The following GOLGA8H variants were observed in gnomAD, a reference collection of about 807,000 sequenced individuals.
GOLGA8H encodes the protein golgin A8 family member H, also known as golgin subfamily A member 8H.
A neutral mutation model predicts 82.7 loss-of-function variants in GOLGA8H; 47 were observed. The ratio of observed to expected loss-of-function variants is 0.57; its 90% CI spans 0.45 to 0.73. The LOEUF (loss-of-function observed/expected upper bound fraction) is 0.73, where lower values mean the gene tolerates loss of function less well. Ranked by LOEUF, GOLGA8H falls within the 30% of genes least tolerant of loss-of-function variation. The pLI, the probability that GOLGA8H is intolerant of heterozygous loss-of-function variation, is 0.00. For missense variants in GOLGA8H, 372 were observed against 661.0 expected (o/e 0.56, Z 4.79); for synonymous variants, 108 against 241.6 (o/e 0.45, Z 5.13).
Position 30,610,071 on chromosome 15 carries a change from C to G in GOLGA8H, c.751C>G (p.Arg251Gly). 1 of 1,611,210 alleles carries G rather than the reference C, an allele frequency of 6.2e-7. No homozygotes were observed. The highest frequency in any genetic ancestry group is 8.5e-7 in the Non-Finnish European group (1 of 1,179,728). ...TGAACATCTAAAAGGAGAGAGGGCCCGGTGGCAGCAGAGGATGAGAAAAAT... is the reference window on the plus strand; with the variant it reads ...TGAACATCTAAAAGGAGAGAGGGCCGGGTGGCAGCAGAGGATGAGAAAAAT... Reference protein sequence around the residue: ...CAEHLKGERARWQQRMRKMSQ... With the variant: ...CAEHLKGERAGWQQRMRKMSQ... Residue 251 changes from arginine (R) to glycine (G), a missense_variant, in exon 10 of 19, where the codon CGG (arginine) becomes GGG (glycine). By Grantham distance (125) the Arg-to-Gly change is moderately radical. Coordinates refer to ENST00000566740, the MANE Select transcript of GOLGA8H (RefSeq NM_001282490.2).
intron 8 of GOLGA8H, 75 bp from the exon 9 acceptor site, chr15:30,609,731 C>G (rs2059985900): frequency 3.8e-6 from 6 of 1,587,510 alleles, no homozygotes; most frequent in Admixed American, 1.7e-5. Context: ...GGGCCTAGCC[C>G]TAGTCCTTTT....
In GOLGA8H at chr15:30,617,303, AG is replaced by A. The variant is rs1403266095; in HGVS notation, c.*2743del. On this transcript the variant is annotated 3_prime_UTR_variant, in exon 19 of 19. Coordinates refer to ENST00000566740, the MANE Select transcript of GOLGA8H (RefSeq NM_001282490.2). ...GGCAATATATAATAATCATTTTAAA[AG>A]TATTTGATTAAACCTGATAATTTTC... is the stretch of plus-strand genomic sequence containing the variant. 229 of 152,178 alleles carry A rather than the reference AG, an allele frequency of 1.5e-3. No homozygotes were observed. Among genetic ancestry groups the A allele is most frequent in the African/African-American group, 5.3e-3 (218 of 41,516 alleles). The allele number at this position is 152,178 out of a possible 1,614,324, so 9.4% of individuals were successfully genotyped here.
rs1463390321 is a variant in GOLGA8H, at chr15:30,617,332, GA to G, written c.*2774del. 6.6e-6 allele frequency: 1 copy of G among 150,876 alleles called. No individual in the cohort carries two copies. Among genetic ancestry groups the G allele is most frequent in the Admixed American group, 6.6e-5 (1 of 15,166 alleles). 9.3% of individuals were successfully genotyped at this position (150,876 alleles called of 1,614,324 possible). On this transcript the variant is annotated 3_prime_UTR_variant, in exon 19 of 19. Coordinates refer to ENST00000566740, the MANE Select transcript of GOLGA8H (RefSeq NM_001282490.2). ...TTTGATTAAACCTGATAATTTTCCAGAAATGAAAAAAAAAATCAGCTCTAAA... is the reference window on the plus strand; with the variant it reads ...TTTGATTAAACCTGATAATTTTCCAGAATGAAAAAAAAAATCAGCTCTAAA...
In GOLGA8H at chr15:30,608,496, A is replaced by T. The variant is rs187112641; in HGVS notation, c.426A>T (p.Lys142Asn). The T allele has an allele frequency of 1.2e-6, 2 of 1,611,156 alleles. No homozygotes were observed. The highest frequency in any genetic ancestry group is 2.2e-5 in the East Asian group (1 of 44,782). Residue 142 changes from lysine to asparagine, a missense_variant, in exon 7 of 19, where the codon AAA (lysine) becomes AAT (asparagine). Transcript: ENST00000566740. ...AAATCCAGACATTGAACATACAGAAAGGGAAACTAAATACGGACCTGTACC... is the reference window on the plus strand; with the variant it reads ...AAATCCAGACATTGAACATACAGAATGGGAAACTAAATACGGACCTGTACC... ...EVQIQTLNIQ[K>N]GKLNTDLYHM...
At chr15:30,608,921 G>T (rs1042512255) in intron 8 of GOLGA8H, among the ~76,000 whole-genome samples, 165 bp downstream of exon 8, 8 of 133,094 alleles carry the variant, frequency 6.0e-5, no homozygotes, top group African/African-American at 2.4e-4. Flanking sequence ...GGCTGAGTCA[G>T]CTGCTGTGGG....
rs773362208 is a variant in GOLGA8H, at chr15:30,608,745, A to G, written c.580A>G (p.Lys194Glu). 2.7e-5 allele frequency: 41 copies of G among 1,496,428 alleles called. 1 individual carries two copies. The highest frequency in any genetic ancestry group is 2.1e-4 in the South Asian group (18 of 84,324). 92.7% of individuals were successfully genotyped at this position (1,496,428 alleles called of 1,614,324 possible). The change falls in exon 8 of 19, where the codon AAG (lysine) becomes GAG (glutamate). Residue 194 changes from lysine (K) to glutamate (E), a missense_variant. Physicochemically the swap from Lys to Glu is moderately conservative, Grantham distance 56. Transcript: ENST00000566740. ...TAATGTCATGGCCACACAGAAGAAG[A>G]AGGCAAACCAGGTGAGTCCAACCAC... ...LSNVMATQKK[K>E]ANQLSSRSKA... is the part of the protein sequence containing the mutation.
At position 30,609,897 on chromosome 15, in the gene GOLGA8H, G is replaced by C. The variant is rs949925680; in HGVS notation, c.678+5G>C. ...CTGAAAGTGCAGCTGACACAGGTGA[G>C]GTTTTCTGAGGGAGTTATGTGGAAG... On this transcript the variant is annotated splice_donor_5th_base_variant and intron_variant, in intron 9 of 18. Coordinates refer to ENST00000566740, the MANE Select transcript of GOLGA8H (RefSeq NM_001282490.2). The C allele has an allele frequency of 6.3e-7, 1 of 1,580,706 alleles. No individual in the cohort carries two copies.
rs1484786959 is a variant in GOLGA8H at position 30,609,788 on chromosome 15, T to C, written c.592-18T>C. 8 of 1,525,872 alleles carry C rather than the reference T, an allele frequency of 5.2e-6. No homozygotes were observed. Among genetic ancestry groups the C allele is most frequent in the Non-Finnish European group, 6.3e-6 (7 of 1,115,774 alleles). 94.5% of individuals were successfully genotyped at this position (1,525,872 alleles called of 1,614,324 possible). On this transcript the variant is annotated intron_variant, in intron 8 of 18. Coordinates refer to ENST00000566740, the MANE Select transcript of GOLGA8H (RefSeq NM_001282490.2). ...CCCAGGCTCTCCAGATTGAAACTTC[T>C]CACTCTTCACCATCCAGTTGTCCAG...
At chr15:30,608,946 C>G (rs1377223575) in intron 8 of GOLGA8H, among the ~76,000 whole-genome samples, 190 bp downstream of exon 8, 1 of 121,462 alleles carries the variant, frequency 8.2e-6, no homozygotes, top group Admixed American at 7.7e-5. Context: ...TTGGGGGTCA[C>G]TGTGTGGAGT....
At position 30,605,724 on chromosome 15, in the gene GOLGA8H, C is replaced by T. The variant is rs768908735; in HGVS notation, c.49-119C>T. On this transcript the variant is annotated intron_variant, in intron 1 of 18. Transcript: ENST00000566740. ...TAAATGAGTGTGACAACACCTTGTA[C>T]GGTTGTTGGTGTCATTAAATCAGAT... The T allele has an allele frequency of 7.7e-5, 117 of 1,512,608 alleles. 1 individual carries two copies. In the Middle Eastern group the frequency reaches 1.4e-3, roughly 18 times the overall value. 93.7% of individuals were successfully genotyped at this position (1,512,608 alleles called of 1,614,324 possible). A position where few individuals can be genotyped will look rare whatever the true frequency, so the allele number is the denominator to read the frequency against.
Position 30,608,482 on chromosome 15 carries a change from T to C in GOLGA8H, c.412T>C (p.Leu138=), listed in dbSNP as rs762793375. 1.2e-6 allele frequency: 2 copies of C among 1,610,688 alleles called. No individual in the cohort carries two copies. Among genetic ancestry groups the C allele is most frequent in the South Asian group, 2.2e-5 (2 of 90,988 alleles). Residue 138 remains leucine, a synonymous_variant, in exon 7 of 19, where the codon TTG becomes CTG. Coordinates refer to ENST00000566740, the MANE Select transcript of GOLGA8H (RefSeq NM_001282490.2). ...TCTCCCAAAGGTTCAAATCCAGACA[T>C]TGAACATACAGAAAGGGAAACTAAA... ...KRVLEVQIQT[L]NIQKGKLNTD... is the part of the protein sequence containing the mutation.
chr15:30,606,029 G>C, intron 2 of GOLGA8H, 67 bp downstream of exon 2: 2 of 1,546,966 alleles, frequency 1.3e-6, no homozygotes, highest in Non-Finnish European at 1.7e-6. Context: ...TAATTCTTAA[G>C]ATTGTGGATG....
chr15:30,616,126 G>C lies in GOLGA8H; in HGVS notation c.*1565G>C, dbSNP rs145239796. Among the ~76,000 whole-genome samples the C allele has an allele frequency of 7.9e-5, 12 of 152,112 alleles. No individual in the cohort carries two copies. In the East Asian group the frequency reaches 2.3e-3, roughly 30 times the overall value. On this transcript the variant is annotated 3_prime_UTR_variant, in exon 19 of 19. Transcript: ENST00000566740. Reference sequence around the variant, plus strand: ...TTATGTGATTGTGCCTATGCATGATGAATGAATGCATTTCAGTTGTATATT... The same window carrying C: ...TTATGTGATTGTGCCTATGCATGATCAATGAATGCATTTCAGTTGTATATT...
chr15:30,617,670 C>T lies in GOLGA8H; in HGVS notation c.*3109C>T, dbSNP rs1595650847. The T allele has an allele frequency of 6.6e-6, 1 of 152,212 alleles. No homozygotes were observed. Among genetic ancestry groups the T allele is most frequent in the Admixed American group, 6.6e-5 (1 of 15,252 alleles). 9.4% of individuals were successfully genotyped at this position (152,212 alleles called of 1,614,324 possible). On this transcript the variant is annotated 3_prime_UTR_variant, in exon 19 of 19. Transcript: ENST00000566740. ...GTAAACAGAATGTGTCATGGAAATA[C>T]TGAAAGATTTTTCCCTAGAGTGGCC... is the stretch of plus-strand genomic sequence containing the variant.
At chr15:30,610,161 G>A (rs558044732) in intron 10 of GOLGA8H, 55 bp downstream of exon 10, 7 of 1,607,132 alleles carry the variant, frequency 4.4e-6, no homozygotes, top group Non-Finnish European at 5.9e-6. Flanking sequence ...GATCTTTCTG[G>A]GCATCTGTAA....
In GOLGA8H at chr15:30,607,709, T is replaced by C. The variant is rs2059943981; in HGVS notation, c.310-321T>C. 5.1e-6 allele frequency: 3 copies of C among 585,912 alleles called. No individual in the cohort carries two copies. The Admixed American group carries it at 9.0e-5, about 18-fold the overall frequency. 36.3% of individuals were successfully genotyped at this position (585,912 alleles called of 1,614,324 possible). Reference sequence around the variant, plus strand: ...GGTCCATACATGCTCAGTAAATGTTTATTGAATGAACCCACTTCTCTAAAT... The same window carrying C: ...GGTCCATACATGCTCAGTAAATGTTCATTGAATGAACCCACTTCTCTAAAT... On this transcript the variant is annotated intron_variant, in intron 4 of 18. Transcript: ENST00000566740.
chr15:30,604,175 T>C lies in GOLGA8H; in HGVS notation c.48+2T>C, dbSNP rs751946819. 2.2e-5 allele frequency: 28 copies of C among 1,283,012 alleles called. 3 individuals carry two copies. Among genetic ancestry groups the C allele is most frequent in the Admixed American group, 1.9e-4 (9 of 46,710 alleles). 79.5% of individuals were successfully genotyped at this position (1,283,012 alleles called of 1,614,324 possible). A position where few individuals can be genotyped will look rare whatever the true frequency, so the allele number is the denominator to read the frequency against. ...AAATTGGCTGCAGCCAAGAAAAAGG[T>C]AAAAACGCACTAGGTCATAGACCCT... On this transcript the variant is annotated splice_donor_variant, in intron 1 of 18. Transcript: ENST00000566740. LOFTEE classifies it high-confidence loss of function.
chr15:30,607,806 G>C (rs1467085345), intron 4 of GOLGA8H: 21 of 594,176 alleles, frequency 3.5e-5, no homozygotes, highest in African/African-American at 5.7e-5. Context: ...CCTCTCAAGA[G>C]ATTCCAGATT....
intron 4 of GOLGA8H, chr15:30,607,668 G>A: frequency 7.7e-6 from 4 of 522,360 alleles, no homozygotes; most frequent in Non-Finnish European, 1.4e-5. Flanking sequence ...TATATCTGCT[G>A]TAAAGAACCG....
Sources: gnomAD v4.1 joint callset for allele counts (sites outside exome capture counted in the v4.1 genomes callset) on GRCh38, gnomAD v4.1.1 for gene constraint, MANE v1.5 for transcripts, NCBI Gene and HGNC (gene_info 2026-07-23, HGNC 2026-07-21) for gene names.